Variants in DPP6 observed in about 807,000 individuals in gnomAD.
DPP6 encodes dipeptidyl peptidase like 6.
In DPP6, 69 loss-of-function variants were observed where a neutral mutation model predicts 122.6. The observed-to-expected ratio is 0.56, with a 90% CI of 0.46 to 0.69. The LOEUF is 0.69. DPP6 is among the 30% of genes least tolerant of loss of function. The pLI is 0.00. For synonymous variants in DPP6, 418 were observed against 433.1 expected (o/e 0.97, Z 0.43); for missense variants, 928 against 1,116.9 (o/e 0.83, Z 2.41).
At chr7:153,963,308 A>C (rs1354212641) in intron 1 of DPP6, among the ~76,000 whole-genome samples, 1 of 151,312 alleles carries the variant, frequency 6.6e-6, no homozygotes, top group South Asian at 2.1e-4. Flanking sequence ...GCCAGGCACT[A>C]TGGGGGCTTT....
intron 1 of DPP6, among the ~76,000 whole-genome samples, chr7:154,377,213 G>A (rs897321203): frequency 6.6e-6 from 1 of 152,126 alleles, no homozygotes; most frequent in Non-Finnish European, 1.5e-5. Flanking sequence ...GTGAAATGGG[G>A]CAGTGAGTCA....
the DPP6 span, among the ~76,000 whole-genome samples, chr7:153,855,836 C>G: frequency 7.2e-5 from 11 of 151,930 alleles, no homozygotes; most frequent in African/African-American, 2.7e-4. Flanking sequence ...ACTTGGCCTT[C>G]TAGATTCAAA....
intron 16 of DPP6, among the ~76,000 whole-genome samples, chr7:154,830,216 G>A (rs1338386370): frequency 6.6e-6 from 1 of 151,884 alleles, no homozygotes; most frequent in Admixed American, 6.6e-5. Context: ...CCTTTTTTCT[G>A]ATCACCTGTT....
chr7:154,857,882 C>T (rs536906494), intron 17 of DPP6, among the ~76,000 whole-genome samples: 3 of 152,290 alleles, frequency 2.0e-5, no homozygotes, highest in South Asian at 2.1e-4. Flanking sequence ...TCCTCTTTCA[C>T]GATTGAAAAG....
intron 5 of DPP6, among the ~76,000 whole-genome samples, chr7:154,627,558 A>G (rs1026871619): frequency 6.6e-6 from 1 of 152,174 alleles, no homozygotes. Context: ...TATAAAATAT[A>G]TTGGCAAGGA....
intron 2 of DPP6, among the ~76,000 whole-genome samples, chr7:154,446,626 A>G (rs573830139): frequency 3.9e-5 from 6 of 152,228 alleles, no homozygotes; most frequent in Non-Finnish European, 8.8e-5. Flanking sequence ...TAATGATTTT[A>G]TATATTTCAT....
intron 10 of DPP6, among the ~76,000 whole-genome samples, chr7:154,787,714 A>T (rs1797420399): frequency 6.6e-6 from 1 of 152,202 alleles, no homozygotes. Flanking sequence ...GTAAGGTGCT[A>T]AAAAATGTAC....
At chr7:154,619,470 A>T (rs1185930015) in intron 5 of DPP6, among the ~76,000 whole-genome samples, 1 of 152,246 alleles carries the variant, frequency 6.6e-6, no homozygotes, top group Non-Finnish European at 1.5e-5. Context: ...ACCACTGAAG[A>T]TGGCTTCACC....
intron 1 of DPP6, among the ~76,000 whole-genome samples, chr7:154,105,873 T>C (rs1476747309): frequency 4.0e-5 from 6 of 151,558 alleles, no homozygotes; most frequent in South Asian, 2.1e-4. Flanking sequence ...ATGTCTTTAT[T>C]AGCAGCATGA....
rs535162664 is a variant in DPP6 at position 154,282,080 on chromosome 7, G to A, written c.244-164134G>A. On this transcript the variant is annotated intron_variant, in intron 1 of 25. Coordinates refer to ENST00000377770, the MANE Select transcript of DPP6 (RefSeq NM_130797.4). The surrounding 1 kb of genome is among the most constrained non-coding windows in gnomAD (Gnocchi z 4.8). ...GGAGATTGACCTCACCTGAGAGAGTGTCCTGAGAACCAAGTGTAATGATGT... is the reference window on the plus strand; with the variant it reads ...GGAGATTGACCTCACCTGAGAGAGTATCCTGAGAACCAAGTGTAATGATGT... Among the ~76,000 whole-genome samples the A allele has an allele frequency of 2.0e-5, 3 of 152,274 alleles. No homozygotes were observed. Among genetic ancestry groups the A allele is most frequent in the South Asian group, 4.1e-4 (2 of 4,828 alleles).
At chr7:154,086,991 G>A (rs1307446369) in intron 1 of DPP6, among the ~76,000 whole-genome samples, 3 of 152,204 alleles carry the variant, frequency 2.0e-5, no homozygotes, top group Non-Finnish European at 4.4e-5. Flanking sequence ...CAAATGAAAT[G>A]ATGTGGTTCA....
intron 1 of DPP6, among the ~76,000 whole-genome samples, chr7:154,230,738 T>G (rs1016820285): frequency 9.9e-5 from 15 of 152,246 alleles, no homozygotes; most frequent in African/African-American, 3.6e-4. Context: ...TATCCAAAAG[T>G]GGCCTTGCAG....
chr7:154,891,582 G>A (rs1005930724), intron 25 of DPP6, among the ~76,000 whole-genome samples: 4 of 152,120 alleles, frequency 2.6e-5, no homozygotes, highest in East Asian at 1.9e-4. Flanking sequence ...AGGACAGCAC[G>A]CAGCCCTTCC....
chr7:154,264,314 C>T (rs1334495101), intron 1 of DPP6, among the ~76,000 whole-genome samples: 1 of 152,120 alleles, frequency 6.6e-6, no homozygotes, highest in African/African-American at 2.4e-5. Flanking sequence ...TGAAATATTT[C>T]ATGGTAGGAC....
intron 1 of DPP6, among the ~76,000 whole-genome samples, chr7:154,183,228 C>G (rs941442050): frequency 6.6e-6 from 1 of 152,162 alleles, no homozygotes; most frequent in Non-Finnish European, 1.5e-5. Context: ...TCTGAGCCAC[C>G]TTTTCAGTGC....
chr7:154,412,564 C>CA (rs1046261773), intron 1 of DPP6, among the ~76,000 whole-genome samples: 1 of 152,158 alleles, frequency 6.6e-6, no homozygotes, highest in African/African-American at 2.4e-5. Context: ...AGTGCTTCAG[C>CA]ATATGAATTT....
At chr7:154,287,868 G>A (rs1053888573) in intron 1 of DPP6, among the ~76,000 whole-genome samples, 4 of 152,216 alleles carry the variant, frequency 2.6e-5, no homozygotes, top group Admixed American at 6.5e-5. Context: ...CCCCAAAAGC[G>A]GGATGATACT....
chr7:154,730,301 T>C (rs1184476094), intron 8 of DPP6, among the ~76,000 whole-genome samples: 1 of 152,112 alleles, frequency 6.6e-6, no homozygotes, highest in Non-Finnish European at 1.5e-5. Context: ...AGTAAGGCTG[T>C]GGAGCTGCAG....
In DPP6 at chr7:153,913,056, C is replaced by CT. The variant is rs199624601; in HGVS notation, c.51+25323dup. 7.8e-3 allele frequency among the ~76,000 whole-genome samples: 1,193 copies of CT among 152,208 alleles called. 20 individuals carry two copies. Among genetic ancestry groups the CT allele is most frequent in the African/African-American group, 0.027 (1,141 of 41,510 alleles). ...TGTGTAAAGGTTTTTATGCTTAGGA[C>CT]TGTGTTTAGGAGTTGTGATACATTT... is the stretch of plus-strand genomic sequence containing the variant. On this transcript the variant is annotated intron_variant, in intron 1 of 25. Transcript: ENST00000404039.
Sources: allele counts gnomAD v4.1 joint callset (sites outside exome capture counted in the v4.1 genomes callset), GRCh38; gene constraint gnomAD v4.1.1; non-coding constraint Gnocchi (gnomAD v3.1); transcripts MANE v1.5; gene names NCBI Gene and HGNC (gene_info 2026-07-23, HGNC 2026-07-21).